Variants in TSPAN3 observed in about 807,000 individuals in gnomAD.
TSPAN3 encodes the protein tetraspanin 3, also known as tetraspanin-3.
In TSPAN3, 9 loss-of-function variants were observed where a neutral mutation model predicts 31.1. The observed-to-expected ratio is 0.29, with a 90% CI of 0.17 to 0.50. TSPAN3 has a LOEUF of 0.50. TSPAN3 is among the 20% of genes least tolerant of loss of function. The probability of loss-of-function intolerance (pLI) is 0.98; values close to 1 mark genes in which losing one functional copy is unlikely to be tolerated. For synonymous variants in TSPAN3, 129 were observed against 114.3 expected (o/e 1.13, Z -0.82); for missense variants, 252 against 313.5 (o/e 0.80, Z 1.48).
At position 77,053,871 on chromosome 15, in the gene TSPAN3, C is replaced by G. The variant is rs79386662; in HGVS notation, c.432+307G>C. On this transcript the variant is annotated intron_variant, in intron 4 of 6. Transcript: ENST00000267970. ...ACCTCCCCTGGAGTCAATCTGGACTCCCACCTTTCCTGTGACACATACCTC... is the reference window on the plus strand; with the variant it reads ...ACCTCCCCTGGAGTCAATCTGGACTGCCACCTTTCCTGTGACACATACCTC... Among the ~76,000 whole-genome samples, 474 of 152,204 alleles carry G rather than the reference C, an allele frequency of 3.1e-3. 4 individuals carry two copies. Among genetic ancestry groups the G allele is most frequent in the African/African-American group, 0.01 (426 of 41,506 alleles).
At chr15:77,070,846 C>T in intron 1 of TSPAN3, 46 bp downstream of exon 1, 1 of 1,196,790 alleles carries the variant, frequency 8.4e-7, no homozygotes, top group Non-Finnish European at 1.1e-6. Flanking sequence ...GCCGCGGCCT[C>T]GCCCGGCCCC....
In TSPAN3 at chr15:77,046,898, C is replaced by T; in HGVS notation, c.699G>A (p.Val233=). The T allele has an allele frequency of 6.3e-7, 1 of 1,588,712 alleles. No homozygotes were observed. Among genetic ancestry groups the T allele is most frequent in the South Asian group, 1.1e-5 (1 of 87,910 alleles). Residue 233 remains valine, a synonymous_variant, in exon 7 of 7, where the codon GTG becomes GTA. Transcript: ENST00000267970. Reference sequence around the variant, plus strand: ...CAGGATCTCTACTCCTTCTGCACAACACGATGCAAGCACACAGCATGCCCA... The same window carrying T: ...CAGGATCTCTACTCCTTCTGCACAATACGATGCAAGCACACAGCATGCCCA... ...QLLGMLCACI[V]LCRRSRDPAY...
intron 1 of TSPAN3, among the ~76,000 whole-genome samples, chr15:77,062,548 G>C (rs2076806878): frequency 6.6e-6 from 1 of 152,174 alleles, no homozygotes; most frequent in African/African-American, 2.4e-5. Flanking sequence ...TAAAGTTAAG[G>C]AGTATTCAAA....
intron 3 of TSPAN3, chr15:77,055,009 G>C (rs1262719015): frequency 6.6e-6 from 1 of 151,990 alleles, no homozygotes; most frequent in Non-Finnish European, 1.5e-5. Context: ...CCAGATCATA[G>C]GTAGGGACAT....
intron 6 of TSPAN3, among the ~76,000 whole-genome samples, chr15:77,051,132 T>G (rs2076727908): frequency 6.6e-6 from 1 of 152,094 alleles, no homozygotes; most frequent in African/African-American, 2.4e-5. Flanking sequence ...ACTCCTAACA[T>G]CATGGGATCC....
chr15:77,047,580 C>G (rs1371855724), intron 6 of TSPAN3, among the ~76,000 whole-genome samples: 2 of 152,156 alleles, frequency 1.3e-5, no homozygotes, highest in Non-Finnish European at 2.9e-5. Context: ...TGTGGTATTA[C>G]ATACATATTA....
At chr15:77,062,256 T>C (rs2076805194) in intron 1 of TSPAN3, among the ~76,000 whole-genome samples, 1 of 152,228 alleles carries the variant, frequency 6.6e-6, no homozygotes, top group African/African-American at 2.4e-5. Flanking sequence ...CTTAAAATCA[T>C]CTTAAATCGT....
At chr15:77,054,939 G>A (rs2076758556) in intron 3 of TSPAN3, 2 of 152,142 alleles carry the variant, frequency 1.3e-5, no homozygotes, top group African/African-American at 4.8e-5. Context: ...CTTACCCCTC[G>A]GAGGACTGGA....
chr15:77,070,581 C>CCG (rs1337221753), intron 1 of TSPAN3, among the ~76,000 whole-genome samples: 6 of 132,298 alleles, frequency 4.5e-5, no homozygotes, highest in Non-Finnish European at 1.1e-4. Context: ...GCCGGCGACT[C>CCG]CGGGGGGGGG....
intron 6 of TSPAN3, among the ~76,000 whole-genome samples, chr15:77,051,426 G>C (rs1303678549): frequency 6.6e-6 from 1 of 151,802 alleles, no homozygotes; most frequent in Non-Finnish European, 1.5e-5. Context: ...TACTTGGGAA[G>C]CTGAGGCAGA....
At chr15:77,056,647 C>G (rs1472744213) in intron 1 of TSPAN3, among the ~76,000 whole-genome samples, 2 of 152,030 alleles carry the variant, frequency 1.3e-5, no homozygotes, top group African/African-American at 4.8e-5. Context: ...GTAGAAATGA[C>G]AGAGCTTGGA....
At chr15:77,052,347 A>G (rs771372379) in intron 6 of TSPAN3, 38 bp downstream of exon 6, 15 of 1,587,972 alleles carry the variant, frequency 9.4e-6, no homozygotes, top group Non-Finnish European at 1.2e-5. Flanking sequence ...CAGAGAACCA[A>G]CTCACTCCGA....
chr15:77,050,891 T>C (rs2076726396), intron 6 of TSPAN3, among the ~76,000 whole-genome samples: 1 of 152,202 alleles, frequency 6.6e-6, no homozygotes, highest in Admixed American at 6.5e-5. Flanking sequence ...CAGGGCTGTC[T>C]GAATATCAGC....
chr15:77,047,225 C>T (rs774496750), intron 6 of TSPAN3, among the ~76,000 whole-genome samples: 6 of 152,156 alleles, frequency 3.9e-5, no homozygotes, highest in Non-Finnish European at 5.9e-5. Flanking sequence ...CTTTCTGCAG[C>T]GATGGAGACA....
chr15:77,049,079 T>A (rs542476172), intron 6 of TSPAN3, among the ~76,000 whole-genome samples: 1 of 152,242 alleles, frequency 6.6e-6, no homozygotes. Flanking sequence ...TATGCAGACA[T>A]GAAATTAAAA....
At position 77,043,381 on chromosome 15, in the gene TSPAN3, T is replaced by C. The variant is rs1166171340; in HGVS notation, c.*3454A>G. On this transcript the variant is annotated 3_prime_UTR_variant, in exon 7 of 7. Transcript: ENST00000267970. ...GTTAACAATTACTTATATTAAAACC[T>C]TCCTGTTCACATTTCCTCCTCCTTG... 6.6e-6 allele frequency: 1 copy of C among 152,210 alleles called. No individual in the cohort carries two copies. Among genetic ancestry groups the C allele is most frequent in the East Asian group, 1.9e-4 (1 of 5,200 alleles). 9.4% of individuals were successfully genotyped at this position (152,210 alleles called of 1,614,324 possible). A position where few individuals can be genotyped will look rare whatever the true frequency, so the allele number is the denominator to read the frequency against.
At chr15:77,062,718 TAGTC>T (rs2076807795) in intron 1 of TSPAN3, among the ~76,000 whole-genome samples, 1 of 152,232 alleles carries the variant, frequency 6.6e-6, no homozygotes, top group African/African-American at 2.4e-5. Context: ...TTTAGAAAGT[TAGTC>T]AGAAACACAG....
Position 77,070,883 on chromosome 15 carries a change from C to A in TSPAN3, c.63+9G>T. 2 of 1,383,664 alleles carry A rather than the reference C, an allele frequency of 1.4e-6. No individual in the cohort carries two copies. The highest frequency in any genetic ancestry group is 3.2e-5 in the South Asian group (2 of 63,480). The allele number at this position is 1,383,664 out of a possible 1,614,324, so 85.7% of individuals were successfully genotyped here. A position where few individuals can be genotyped will look rare whatever the true frequency, so the allele number is the denominator to read the frequency against. On this transcript the variant is annotated intron_variant, in intron 1 of 6. Coordinates refer to ENST00000267970, the MANE Select transcript of TSPAN3 (RefSeq NM_005724.6). ...CCGCCGGCCCCTCGCTCTGCCCGGC[C>A]CCGCTCACCCAGAAGATGAGGTTGA...
chr15:77,070,583 G>GGT (rs1555686583), intron 1 of TSPAN3, among the ~76,000 whole-genome samples: 2 of 93,198 alleles, frequency 2.1e-5, no homozygotes, highest in Admixed American at 1.1e-4. Context: ...CGGCGACTCC[G>GGT]GGGGGGGGAG....
Sources: gnomAD v4.1 joint callset for allele counts (sites outside exome capture counted in the v4.1 genomes callset) on GRCh38, gnomAD v4.1.1 for gene constraint, MANE v1.5 for transcripts, NCBI Gene and HGNC (gene_info 2026-07-23, HGNC 2026-07-21) for gene names.